Variants in FER observed in about 807,000 individuals in gnomAD.
FER encodes the protein FER tyrosine kinase.
A neutral mutation model predicts 111.0 loss-of-function variants in FER; 63 were observed. That is an observed-to-expected ratio of 0.57 (90% CI 0.46 to 0.70). The LOEUF is 0.70. Among genes scored for constraint, FER ranks in the 30% least tolerant of loss-of-function variants. The pLI, the probability that FER is intolerant of heterozygous loss-of-function variation, is 0.00. For missense variants in FER, 914 were observed against 954.0 expected (o/e 0.96, Z 0.55); for synonymous variants, 327 against 313.9 (o/e 1.04, Z -0.44).
intron 16 of FER, among the ~76,000 whole-genome samples, chr5:109,061,983 TTCTG>T (rs1223502748): frequency 2.6e-5 from 4 of 152,104 alleles, no homozygotes; most frequent in South Asian, 2.1e-4. Flanking sequence ...TCCAAGATGA[TTCTG>T]TCTTTGTTTG....
At chr5:108,927,921 C>G (rs1039256452) in intron 10 of FER, among the ~76,000 whole-genome samples, 2 of 152,172 alleles carry the variant, frequency 1.3e-5, no homozygotes, top group African/African-American at 2.4e-5. Flanking sequence ...CTTCTTGTTT[C>G]TGTTGAGTAA....
intron 13 of FER, among the ~76,000 whole-genome samples, chr5:108,999,729 G>A (rs1764473378): frequency 6.7e-6 from 1 of 149,340 alleles, no homozygotes; most frequent in Non-Finnish European, 1.5e-5. Context: ...TGCCATCCTG[G>A]TAGGTATGGT....
At chr5:109,062,669 T>G (rs144411140) in intron 16 of FER, among the ~76,000 whole-genome samples, 149 of 152,250 alleles carry the variant, frequency 9.8e-4, no homozygotes, top group African/African-American at 3.4e-3. Flanking sequence ...CTTAGCACCT[T>G]AACCTCCAAG....
chr5:109,032,427 T>G (rs1012238592), intron 13 of FER, among the ~76,000 whole-genome samples: 5 of 152,180 alleles, frequency 3.3e-5, no homozygotes, highest in Non-Finnish European at 7.3e-5. Flanking sequence ...CCCAGTTTCC[T>G]GTATTACATC....
At position 108,916,459 on chromosome 5, in the gene FER, C is replaced by A. The variant is rs953203653; in HGVS notation, c.1236+18611C>A. ...ATTTGGGTACCCCCCCGACCCCCTG[C>A]CAAACAGAAATCTGAAATGTAATTA... On this transcript the variant is annotated intron_variant, in intron 10 of 19. Transcript: ENST00000281092. Among the ~76,000 whole-genome samples, 8 of 152,070 alleles carry A rather than the reference C, an allele frequency of 5.3e-5. No individual in the cohort carries two copies. In the East Asian group the frequency reaches 1.5e-3, roughly 29 times the overall value.
chr5:108,865,838 C>G (rs1763993041), intron 5 of FER, among the ~76,000 whole-genome samples: 1 of 152,154 alleles, frequency 6.6e-6, no homozygotes, highest in Non-Finnish European at 1.5e-5. Context: ...TGAAAAAATG[C>G]TCACCATCAC....
chr5:109,174,240 A>G (rs1223050461), intron 17 of FER, among the ~76,000 whole-genome samples: 1 of 152,156 alleles, frequency 6.6e-6, no homozygotes, highest in African/African-American at 2.4e-5. Context: ...TCAGCAGTGC[A>G]CTGAAATGAG....
intron 1 of FER, among the ~76,000 whole-genome samples, chr5:108,750,973 A>G (rs1410800727): frequency 1.3e-5 from 2 of 152,146 alleles, no homozygotes; most frequent in Non-Finnish European, 2.9e-5. Context: ...CGGGCGGATC[A>G]CCTGAGGTCG....
chr5:108,835,397 C>T (rs1433421810), intron 4 of FER, among the ~76,000 whole-genome samples: 1 of 152,042 alleles, frequency 6.6e-6, no homozygotes, highest in Non-Finnish European at 1.5e-5. Flanking sequence ...GTTGGCCAGG[C>T]TGGTCATGAA....
chr5:109,034,848 G>A (rs993166471), intron 13 of FER, among the ~76,000 whole-genome samples: 1 of 152,110 alleles, frequency 6.6e-6, no homozygotes, highest in Non-Finnish European at 1.5e-5. Context: ...ACTCTTAGAA[G>A]AATAACATTT....
At chr5:108,823,356 C>T (rs1024101823) in intron 3 of FER, among the ~76,000 whole-genome samples, 5 of 152,170 alleles carry the variant, frequency 3.3e-5, no homozygotes, top group African/African-American at 9.7e-5. Context: ...TGAGGAACCT[C>T]GATATGTTTT....
At chr5:109,080,117 T>C (rs1322634559) in intron 16 of FER, among the ~76,000 whole-genome samples, 1 of 152,142 alleles carries the variant, frequency 6.6e-6, no homozygotes, top group African/African-American at 2.4e-5. Context: ...AGCATTTTTC[T>C]ATCTGCTTGC....
At chr5:109,008,020 A>G (rs776781619) in intron 13 of FER, among the ~76,000 whole-genome samples, 24 of 152,148 alleles carry the variant, frequency 1.6e-4, no homozygotes, top group Non-Finnish European at 3.1e-4. Flanking sequence ...GTATTTCCCT[A>G]ATGACTAAAG....
intron 16 of FER, among the ~76,000 whole-genome samples, chr5:109,050,077 A>G (rs983257935): frequency 2.0e-5 from 3 of 152,336 alleles, no homozygotes; most frequent in Middle Eastern, 3.4e-3. Context: ...CATTTTTTCT[A>G]AGTCTCTCAC....
At chr5:108,897,556 C>T in intron 9 of FER, 103 bp from the exon 10 acceptor site, 1 of 803,868 alleles carries the variant, frequency 1.2e-6, no homozygotes, top group Non-Finnish European at 1.8e-6. Context: ...TTCTAAAGGG[C>T]TCTTATAAAA....
At chr5:108,790,334 CATGT>C (rs1755230119) in intron 2 of FER, among the ~76,000 whole-genome samples, 1 of 150,978 alleles carries the variant, frequency 6.6e-6, no homozygotes, top group Non-Finnish European at 1.5e-5. Context: ...TAATTTTTAC[CATGT>C]CTTCAAATAA....
chr5:108,816,373 C>G (rs1208737328), intron 3 of FER, among the ~76,000 whole-genome samples: 1 of 152,142 alleles, frequency 6.6e-6, no homozygotes, highest in Non-Finnish European at 1.5e-5. Context: ...AACTTTCTGT[C>G]AAATTTTGAA....
At chr5:108,958,783 A>T (rs1029492204) in intron 12 of FER, among the ~76,000 whole-genome samples, 1 of 151,878 alleles carries the variant, frequency 6.6e-6, no homozygotes, top group Admixed American at 6.6e-5. Context: ...CAGATTGGAT[A>T]TCTTTCCTTA....
chr5:108,832,747 T>C, intron 3 of FER, 23 bp from the exon 4 acceptor site: 1 of 1,451,304 alleles, frequency 6.9e-7, no homozygotes, highest in East Asian at 2.5e-5. Flanking sequence ...CAAATGTTTG[T>C]TTCTTTTTTT....
Sources: gnomAD v4.1 joint callset for allele counts (sites outside exome capture counted in the v4.1 genomes callset) on GRCh38, gnomAD v4.1.1 for gene constraint, MANE v1.5 for transcripts, NCBI Gene and HGNC (gene_info 2026-07-23, HGNC 2026-07-21) for gene names.